The following CPXM2 variants were observed in gnomAD, a reference collection of about 807,000 sequenced individuals.
CPXM2 encodes carboxypeptidase X, M14 family member 2.
A neutral mutation model predicts 86.1 loss-of-function variants in CPXM2; 66 were observed. That is an observed-to-expected ratio of 0.77 (90% CI 0.63 to 0.94). The LOEUF (loss-of-function observed/expected upper bound fraction) is 0.94. Among genes scored for constraint, CPXM2 ranks in the 40% least tolerant of loss-of-function variants. CPXM2 has a pLI of 0.00. For synonymous variants in CPXM2, 388 were observed against 400.2 expected, an observed-to-expected ratio of 0.97 and a Z score of 0.36; for missense variants, 948 against 1,026.3, an observed-to-expected ratio of 0.92 and a Z score of 1.04.
chr10:123,820,183 T>C (rs138589324), intron 4 of CPXM2, among the ~76,000 whole-genome samples: 1 of 152,188 alleles, frequency 6.6e-6, no homozygotes, highest in Non-Finnish European at 1.5e-5. Context: ...AATAAAGCCC[T>C]TTTTTTATAT....
chr10:123,890,712 G>A (rs1055748242), intron 1 of CPXM2, among the ~76,000 whole-genome samples: 1 of 152,236 alleles, frequency 6.6e-6, no homozygotes, highest in African/African-American at 2.4e-5. Context: ...GATTTGAGAA[G>A]GGTATGAGAC....
At chr10:123,846,799 A>G (rs1354915771) in intron 3 of CPXM2, among the ~76,000 whole-genome samples, 1 of 152,202 alleles carries the variant, frequency 6.6e-6, no homozygotes, top group Non-Finnish European at 1.5e-5. Context: ...ACAGAAACGT[A>G]AAACACAAAG....
intron 3 of CPXM2, among the ~76,000 whole-genome samples, chr10:123,845,924 G>A (rs1009327016): frequency 4.6e-5 from 7 of 152,178 alleles, no homozygotes; most frequent in African/African-American, 1.7e-4. Context: ...GAGGGATGGT[G>A]CTTTCAAAGT....
At chr10:123,849,506 T>C (rs1848559692) in intron 3 of CPXM2, among the ~76,000 whole-genome samples, 1 of 143,850 alleles carries the variant, frequency 7.0e-6, no homozygotes. Flanking sequence ...AATGGCACAA[T>C]CTCAGCTCAC....
chr10:123,836,769 T>C (rs1174563814), intron 4 of CPXM2, among the ~76,000 whole-genome samples: 1 of 152,162 alleles, frequency 6.6e-6, no homozygotes, highest in Non-Finnish European at 1.5e-5. Context: ...ACCTTAACTA[T>C]ATCAGGGTAT....
chr10:123,836,455 C>G (rs11248295), intron 4 of CPXM2, among the ~76,000 whole-genome samples: 36,482 of 151,902 alleles, frequency 0.24, 4,511 homozygotes, highest in Middle Eastern at 0.38. Context: ...AGTGCCACAA[C>G]GCCCTTGTTC....
intron 6 of CPXM2, among the ~76,000 whole-genome samples, chr10:123,787,513 T>C (rs536877276): frequency 6.6e-6 from 1 of 152,286 alleles, no homozygotes; most frequent in South Asian, 2.1e-4. Context: ...TTTGTATTTT[T>C]AGTAGAGACG....
chr10:123,751,385 C>G (rs1265605247), intron 13 of CPXM2: 1 of 334,946 alleles, frequency 3.0e-6, no homozygotes, highest in Non-Finnish European at 4.2e-6. Flanking sequence ...CTTTACATTC[C>G]CTTGTTATCT....
intron 2 of CPXM2, among the ~76,000 whole-genome samples, chr10:123,903,964 C>T (rs2134263295): frequency 6.6e-6 from 1 of 152,188 alleles, no homozygotes. Flanking sequence ...CCACACGGCC[C>T]CAGCTGTGTG....
intron 10 of CPXM2, among the ~76,000 whole-genome samples, chr10:123,764,703 T>C (rs1846428180): frequency 6.6e-6 from 1 of 152,160 alleles, no homozygotes; most frequent in Non-Finnish European, 1.5e-5. Context: ...GCCATGCTAG[T>C]CTTGAACTCC....
At chr10:123,747,809 C>G (rs1182662952) in intron 13 of CPXM2, among the ~76,000 whole-genome samples, 1 of 151,212 alleles carries the variant, frequency 6.6e-6, no homozygotes, top group Non-Finnish European at 1.5e-5. Context: ...GTAATCCCAG[C>G]TACTCTGGAG....
intron 2 of CPXM2, among the ~76,000 whole-genome samples, chr10:123,938,681 G>C (rs138620402): frequency 6.6e-6 from 1 of 152,198 alleles, no homozygotes; most frequent in African/African-American, 2.4e-5. Context: ...GTGAATGCCC[G>C]CTGGCTGCCC....
At chr10:123,875,979 G>A (rs1944979845) in intron 2 of CPXM2, among the ~76,000 whole-genome samples, 1 of 151,624 alleles carries the variant, frequency 6.6e-6, no homozygotes, top group Admixed American at 6.6e-5. Flanking sequence ...GCCACGCCCG[G>A]CTAATTTTTG....
upstream of CPXM2, among the ~76,000 whole-genome samples, chr10:123,940,434 T>C (rs1243617201): frequency 6.6e-6 from 1 of 152,156 alleles, no homozygotes; most frequent in Non-Finnish European, 1.5e-5. Context: ...ATCTGTGCCC[T>C]TGTCCCAGAT....
At chr10:123,813,660 T>C (rs1365089007) in intron 4 of CPXM2, among the ~76,000 whole-genome samples, 2 of 152,202 alleles carry the variant, frequency 1.3e-5, no homozygotes, top group African/African-American at 2.4e-5. Flanking sequence ...AAATTGAACA[T>C]TGAAAGCATA....
At chr10:123,905,664 T>C (rs1256892834) in intron 2 of CPXM2, among the ~76,000 whole-genome samples, 1 of 152,008 alleles carries the variant, frequency 6.6e-6, no homozygotes, top group Non-Finnish European at 1.5e-5. Flanking sequence ...TTCCCACTGC[T>C]CCTTCCCACG....
chr10:123,928,322 T>C (rs1237441008), intron 2 of CPXM2, among the ~76,000 whole-genome samples: 3 of 152,176 alleles, frequency 2.0e-5, no homozygotes, highest in Admixed American at 2.0e-4. Context: ...CTGGGAGTGG[T>C]GGACTGTTTC....
At chr10:123,830,740 G>A (rs1395937508) in intron 4 of CPXM2, among the ~76,000 whole-genome samples, 2 of 151,472 alleles carry the variant, frequency 1.3e-5, no homozygotes, top group Non-Finnish European at 2.9e-5. Context: ...AGGAGGGCTG[G>A]GCTTGCCTTT....
intron 2 of CPXM2, among the ~76,000 whole-genome samples, chr10:123,874,988 T>C (rs1207636579): frequency 6.6e-6 from 1 of 152,202 alleles, no homozygotes; most frequent in Non-Finnish European, 1.5e-5. Flanking sequence ...ACTGTGCCTA[T>C]GGTTTCAGAC....
Sources: gnomAD v4.1 joint callset for allele counts (sites outside exome capture counted in the v4.1 genomes callset) on GRCh38, gnomAD v4.1.1 for gene constraint, MANE v1.5 for transcripts, NCBI Gene and HGNC (gene_info 2026-07-23, HGNC 2026-07-21) for gene names.